Variants in HDLBP observed in about 807,000 individuals in gnomAD.
The protein encoded by HDLBP is vigilin.
A neutral mutation model predicts 137.3 loss-of-function variants in HDLBP; 30 were observed. That is an observed-to-expected ratio of 0.22 (90% confidence interval 0.16 to 0.30). The LOEUF is 0.30. Among genes scored for constraint, HDLBP ranks in the 10% least tolerant of loss-of-function variants. HDLBP has a pLI of 1.00. For synonymous variants in HDLBP, 606 were observed against 596.0 expected (o/e 1.02, Z -0.24); for missense variants, 1,119 against 1,667.3 (o/e 0.67, Z 5.73).
chr2:241,230,137 G>C lies in HDLBP; in HGVS notation c.3591+16C>G, dbSNP rs559190238. 1 of 1,602,644 alleles carries C rather than the reference G, an allele frequency of 6.2e-7. No individual in the cohort carries two copies. The highest frequency in any genetic ancestry group is 1.3e-5 in the African/African-American group (1 of 74,842). ...TGCCAGGGCGCCTCAGGGCTCCAAG[G>C]CCCACAGAGACTCACGTATTCCTCC... On this transcript the variant is annotated intron_variant, in intron 26 of 27. Coordinates refer to ENST00000310931, the MANE Select transcript of HDLBP (RefSeq NM_005336.6). The surrounding 1 kb of genome is among the most constrained non-coding windows in gnomAD (Gnocchi z 5.0).
At chr2:241,293,482 C>G (rs533815172) in intron 1 of HDLBP, among the ~76,000 whole-genome samples, 98 of 151,554 alleles carry the variant, frequency 6.5e-4, no homozygotes, top group African/African-American at 2.1e-3. Context: ...CTGGGTGGCA[C>G]GTGCCTGTAG....
chr2:241,240,039 G>A lies in HDLBP; in HGVS notation c.2253C>T (p.Arg751=), dbSNP rs771705403. The change falls in exon 18 of 28, where the codon CGC becomes CGT. Residue 751 remains arginine, a synonymous_variant. Coordinates refer to ENST00000310931, the MANE Select transcript of HDLBP (RefSeq NM_005336.6). The surrounding 1 kb of genome is among the most constrained non-coding windows in gnomAD (Gnocchi z 5.5). ...GTGCTCCAGTGCTGTCGCGCACCTT[G>A]CGAATTTTGCCGCCCCCCTTGCCGA... is the stretch of plus-strand genomic sequence containing the variant. ...FLIGKGGGKI[R]KVRDSTGARV... 2.7e-5 allele frequency: 43 copies of A among 1,614,058 alleles called. No homozygotes were observed. The highest frequency in any genetic ancestry group is 3.3e-5 in the Admixed American group (2 of 60,008).
intron 2 of HDLBP, chr2:241,267,516 A>C (rs1410293294): frequency 6.8e-7 from 1 of 1,469,812 alleles, no homozygotes; most frequent in East Asian, 2.5e-5. Context: ...GGCATAGATC[A>C]ACACCAGGAT....
chr2:241,250,285 G>C (rs1014900033), intron 11 of HDLBP: 3 of 245,630 alleles, frequency 1.2e-5, no homozygotes, highest in African/African-American at 6.7e-5. Context: ...GCTCGTCTGG[G>C]GTATTGGCCA....
chr2:241,254,991 G>C, intron 9 of HDLBP, 60 bp downstream of exon 9: 2 of 1,316,140 alleles, frequency 1.5e-6, no homozygotes, highest in Non-Finnish European at 2.2e-6. Context: ...AGCAATATCA[G>C]AAACAGAAAG....
intron 1 of HDLBP, among the ~76,000 whole-genome samples, chr2:241,279,086 A>G (rs1240726388): frequency 6.6e-6 from 1 of 152,214 alleles, no homozygotes; most frequent in Non-Finnish European, 1.5e-5. Context: ...TGATTTATAG[A>G]ACTTATAAAA....
intron 1 of HDLBP, among the ~76,000 whole-genome samples, chr2:241,306,888 T>C (rs1396849993): frequency 8.7e-6 from 1 of 114,398 alleles, no homozygotes; most frequent in Non-Finnish European, 1.8e-5. Flanking sequence ...TCTCAATAAA[T>C]TAAAAAAAAA....
At chr2:241,297,302 A>C (rs1285893996) in intron 1 of HDLBP, among the ~76,000 whole-genome samples, 1 of 152,194 alleles carries the variant, frequency 6.6e-6, no homozygotes, top group Non-Finnish European at 1.5e-5. Flanking sequence ...CTCGTTCCAT[A>C]CAGGGTGAAT....
At chr2:241,267,900 C>G (rs571230069) in intron 2 of HDLBP, 2 of 985,292 alleles carry the variant, frequency 2.0e-6, no homozygotes, top group Non-Finnish European at 1.2e-6. Context: ...CAGTGCTCAG[C>G]GGGATATGGG....
At chr2:241,275,158 TAAC>T (rs1467758510) in intron 1 of HDLBP, among the ~76,000 whole-genome samples, 1 of 151,006 alleles carries the variant, frequency 6.6e-6, no homozygotes, top group Non-Finnish European at 1.5e-5. Context: ...ACTGAGATAT[TAAC>T]AAAACAGAAA....
At chr2:241,263,579 G>A (rs1241989505) in intron 4 of HDLBP, among the ~76,000 whole-genome samples, 1 of 152,106 alleles carries the variant, frequency 6.6e-6, no homozygotes, top group Non-Finnish European at 1.5e-5. Context: ...CAAGATAGCA[G>A]ACAGGTGAAA....
intron 1 of HDLBP, among the ~76,000 whole-genome samples, chr2:241,309,554 C>T (rs1453617901): frequency 2.6e-5 from 4 of 152,122 alleles, no homozygotes; most frequent in African/African-American, 2.4e-5. Context: ...GGCCAACTGG[C>T]AATATGACTG....
chr2:241,234,248 C>T (rs1391480108), intron 23 of HDLBP, among the ~76,000 whole-genome samples: 1 of 152,190 alleles, frequency 6.6e-6, no homozygotes, highest in African/African-American at 2.4e-5. Flanking sequence ...CAGAGCTAGG[C>T]AGTGAGTCAC....
At position 241,233,870 on chromosome 2, in the gene HDLBP, A is replaced by G. The variant is rs2070089755; in HGVS notation, c.3238T>C (p.Leu1080=). Residue 1080 remains leucine, a synonymous_variant, in exon 24 of 28, where the codon TTG becomes CTG. Transcript: ENST00000310931. The surrounding 1 kb of genome is among the most constrained non-coding windows in gnomAD (Gnocchi z 4.3). ...RKGAVITQIR[L]EHDVNIQFPD... The stretch of plus-strand genomic sequence containing the variant: ...AACTGGATGTTCACGTCATGCTCCA[A>G]CCGGATTTGGGTAATTACTGCCCCC... 1 of 1,614,152 alleles carries G rather than the reference A, an allele frequency of 6.2e-7. No individual in the cohort carries two copies. The highest frequency in any genetic ancestry group is 1.3e-5 in the African/African-American group (1 of 75,038).
At chr2:241,308,547 T>C (rs1473633939) in intron 1 of HDLBP, among the ~76,000 whole-genome samples, 2 of 152,182 alleles carry the variant, frequency 1.3e-5, no homozygotes, top group African/African-American at 4.8e-5. Flanking sequence ...TAACCTACTC[T>C]GCTTTAAGAG....
chr2:241,313,895 C>G (rs746734670), intron 1 of HDLBP, among the ~76,000 whole-genome samples: 3 of 152,218 alleles, frequency 2.0e-5, no homozygotes, highest in Non-Finnish European at 4.4e-5. Context: ...ACTCAATGCA[C>G]TTTTACCCGA....
intron 4 of HDLBP, among the ~76,000 whole-genome samples, chr2:241,263,273 G>T (rs1209043129): frequency 6.6e-6 from 1 of 152,254 alleles, no homozygotes; most frequent in Admixed American, 6.5e-5. Flanking sequence ...AGCTATCCAT[G>T]TTAAGAGGTG....
intron 3 of HDLBP, among the ~76,000 whole-genome samples, chr2:241,266,119 G>A (rs1044728701): frequency 6.6e-6 from 1 of 152,164 alleles, no homozygotes; most frequent in African/African-American, 2.4e-5. Context: ...CACAGATCAA[G>A]GATTTTGGAT....
intron 17 of HDLBP, among the ~76,000 whole-genome samples, chr2:241,241,301 C>G (rs1195201759): frequency 6.6e-6 from 1 of 152,162 alleles, no homozygotes. Context: ...GGCGCAGTGG[C>G]TCACGCCTGT....
Sources: gnomAD v4.1 joint callset for allele counts (sites outside exome capture counted in the v4.1 genomes callset) on GRCh38, gnomAD v4.1.1 for gene constraint, Gnocchi (gnomAD v3.1) non-coding constraint, MANE v1.5 for transcripts, NCBI Gene and HGNC (gene_info 2026-07-23, HGNC 2026-07-21) for gene names.